The following MCOLN3 variants were observed in gnomAD, a reference collection of about 807,000 sequenced individuals.
The protein encoded by MCOLN3 is mucolipin TRP cation channel 3.
Under a neutral mutation model 69.4 loss-of-function variants are expected in MCOLN3, and 62 were observed. The observed-to-expected ratio is 0.89, with a 90% CI of 0.73 to 1.10. The LOEUF (loss-of-function observed/expected upper bound fraction) is 1.10. MCOLN3 is among the 50% of genes least tolerant of loss of function. MCOLN3 has a pLI of 0.00. For synonymous variants in MCOLN3, 183 were observed against 217.0 expected, an observed-to-expected ratio of 0.84 and a Z score of 1.38; for missense variants, 564 against 656.4, an observed-to-expected ratio of 0.86 and a Z score of 1.54.
In MCOLN3 at chr1:85,026,314, A is replaced by G. The variant is rs374397706; in HGVS notation, c.833-30T>C. On this transcript the variant is annotated intron_variant, in intron 7 of 12. Coordinates refer to ENST00000370589, the MANE Select transcript of MCOLN3 (RefSeq NM_018298.11). ...AAGCAAAGAGGATTACATAGTGCTT[A>G]TGTAGTGGGACATTAATATGGTGAC... 8.0e-6 allele frequency: 11 copies of G among 1,382,214 alleles called. 1 individual carries two copies. The East Asian group carries it at 2.3e-4, about 29-fold the overall frequency. The allele number at this position is 1,382,214 out of a possible 1,614,324, so 85.6% of individuals were successfully genotyped here.
intron 9 of MCOLN3, chr1:85,022,667 T>G: frequency 2.9e-5 from 8 of 275,508 alleles, no homozygotes; most frequent in East Asian, 2.6e-4. Flanking sequence ...GGTATGGGTT[T>G]GTCATTTTAC....
intron 1 of MCOLN3, chr1:85,047,281 C>T: frequency 6.6e-6 from 1 of 152,408 alleles, no homozygotes. Context: ...TCCCGGTAGA[C>T]ATTTCATTCA....
intron 6 of MCOLN3, chr1:85,029,969 T>C (rs1192772744): frequency 6.6e-6 from 1 of 152,282 alleles, no homozygotes; most frequent in Non-Finnish European, 1.5e-5. Flanking sequence ...ATAAATTGTA[T>C]TGAAGCTTCT....
intron 3 of MCOLN3, 98 bp downstream of exon 3, chr1:85,040,912 C>T (rs1350436140): frequency 3.5e-6 from 4 of 1,153,872 alleles, no homozygotes; most frequent in African/African-American, 3.2e-5. Flanking sequence ...GAAATGTTCA[C>T]CCTTCTCCAC....
chr1:85,029,280 A>G, intron 6 of MCOLN3, 75 bp from the exon 7 acceptor site: 1 of 878,688 alleles, frequency 1.1e-6, no homozygotes, highest in Admixed American at 2.1e-5. Flanking sequence ...TTAATTAGGA[A>G]ACAATTCTTT....
Position 85,045,260 on chromosome 1 carries a change from A to G in MCOLN3, c.101T>C (p.Leu34Ser), listed in dbSNP as rs945324123. 1 of 1,614,048 alleles carries G rather than the reference A, an allele frequency of 6.2e-7. No homozygotes were observed. Among genetic ancestry groups the G allele is most frequent in the African/African-American group, 1.3e-5 (1 of 74,932 alleles). The change falls in exon 2 of 13, where the codon TTA becomes TCA. Residue 34 changes from leucine to serine, a missense_variant. By Grantham distance (145) the Leu-to-Ser change is moderately radical. Transcript: ENST00000370589. ...QQTSPSEELL[L>S]EDQMRRKLKF... The stretch of plus-strand genomic sequence containing the variant: ...GAGTTTTCGCCTCATCTGGTCTTCT[A>G]ATAGAAGCTCCTCAGATGGAGATGT...
At chr1:85,027,994 C>T (rs1483480284) in intron 7 of MCOLN3, among the ~76,000 whole-genome samples, 1 of 152,214 alleles carries the variant, frequency 6.6e-6, no homozygotes, top group East Asian at 1.9e-4. Context: ...ATAATTACTA[C>T]ATAAATGTCT....
intron 7 of MCOLN3, 46 bp downstream of exon 7, chr1:85,029,060 C>T (rs908027288): frequency 2.4e-6 from 3 of 1,226,940 alleles, no homozygotes; most frequent in Non-Finnish European, 2.4e-6. Context: ...AACCATTTTA[C>T]ATTATTTAAT....
rs775264012 is a variant in MCOLN3 at position 85,032,691 on chromosome 1, C to T, written c.732+5G>A. 6.2e-7 allele frequency: 1 copy of T among 1,608,178 alleles called. No individual in the cohort carries two copies. The highest frequency in any genetic ancestry group is 1.7e-5 in the Admixed American group (1 of 59,978). ...GGAACCAAATTCAGCCTGGCCCACACTTACAGTCAGAGTAAAGTCATAACA... is the reference window on the plus strand; with the variant it reads ...GGAACCAAATTCAGCCTGGCCCACATTTACAGTCAGAGTAAAGTCATAACA... On this transcript the variant is annotated splice_donor_5th_base_variant and intron_variant, in intron 6 of 12. Coordinates refer to ENST00000370589, the MANE Select transcript of MCOLN3 (RefSeq NM_018298.11).
rs189191421 is a variant in MCOLN3 at position 85,018,290 on chromosome 1, C to T, written c.*833G>A. 5.9e-5 allele frequency: 9 copies of T among 152,296 alleles called. No homozygotes were observed. Among genetic ancestry groups the T allele is most frequent in the Non-Finnish European group, 1.2e-4 (8 of 68,024 alleles). 9.4% of individuals were successfully genotyped at this position (152,296 alleles called of 1,614,324 possible). A position where few individuals can be genotyped will look rare whatever the true frequency, so the allele number is the denominator to read the frequency against. On this transcript the variant is annotated 3_prime_UTR_variant, in exon 13 of 13. Transcript: ENST00000370589. ...CGATGTTTTGGTCAATGATGTACCG[C>T]ATATACAATGGTGGTCCCAGAAGAT...
intron 11 of MCOLN3, 50 bp downstream of exon 11, chr1:85,022,020 C>A: frequency 6.4e-7 from 1 of 1,574,596 alleles, no homozygotes; most frequent in Non-Finnish European, 8.6e-7. Context: ...AAGCCACTGG[C>A]ACTATGCTAA....
At chr1:85,036,482 C>T (rs761507946) in intron 3 of MCOLN3, among the ~76,000 whole-genome samples, 15 of 152,208 alleles carry the variant, frequency 9.9e-5, no homozygotes, top group Non-Finnish European at 2.2e-4. Flanking sequence ...AGCCACCGTA[C>T]CCAACCAATA....
At chr1:85,031,097 C>A (rs1318952976) in intron 6 of MCOLN3, among the ~76,000 whole-genome samples, 1 of 151,816 alleles carries the variant, frequency 6.6e-6, no homozygotes, top group Non-Finnish European at 1.5e-5. Context: ...ATGGTGAAAC[C>A]CCATCTCTAC....
intron 6 of MCOLN3, 39 bp from the exon 7 acceptor site, chr1:85,029,244 T>A (rs1405792493): frequency 1.5e-6 from 2 of 1,329,404 alleles, no homozygotes; most frequent in African/African-American, 2.9e-5. Flanking sequence ...ATACTTATAG[T>A]TTTGGAGCCA....
intron 11 of MCOLN3, among the ~76,000 whole-genome samples, chr1:85,021,558 G>A (rs1400021778): frequency 6.6e-6 from 1 of 152,196 alleles, no homozygotes; most frequent in Non-Finnish European, 1.5e-5. Flanking sequence ...CCTTGCATCT[G>A]CCCTTTACCT....
chr1:85,028,497 A>G (rs1652336591), intron 7 of MCOLN3, among the ~76,000 whole-genome samples: 1 of 152,218 alleles, frequency 6.6e-6, no homozygotes, highest in Non-Finnish European at 1.5e-5. Flanking sequence ...CTTATGAGAG[A>G]CTAGAAAATT....
intron 7 of MCOLN3, among the ~76,000 whole-genome samples, chr1:85,027,886 T>C (rs1309268339): frequency 6.6e-6 from 1 of 152,158 alleles, no homozygotes; most frequent in East Asian, 1.9e-4. Context: ...AGAGCTTGTC[T>C]CTATTTAACA....
chr1:85,043,861 C>T (rs561153242), intron 2 of MCOLN3, among the ~76,000 whole-genome samples: 14 of 148,702 alleles, frequency 9.4e-5, no homozygotes, highest in African/African-American at 3.2e-4. Flanking sequence ...TTTTTTGAGA[C>T]AAGGTGTCGC....
At position 85,034,155 on chromosome 1, in the gene MCOLN3, G is replaced by T. The variant is rs774640347; in HGVS notation, c.493C>A (p.Arg165=). Reference sequence around the variant, plus strand: ...TCATTTCCAGGGTAGATGTTTCCTCGCTTGTAGAAGTGCTGACAGATTGCC... The same window carrying T: ...TCATTTCCAGGGTAGATGTTTCCTCTCTTGTAGAAGTGCTGACAGATTGCC... ...AMAICQHFYK[R]GNIYPGNDTF... is the part of the protein sequence containing the mutation. Residue 165 remains arginine (R), a synonymous_variant, in exon 4 of 13, where the codon CGA becomes AGA. Transcript: ENST00000370589. The T allele has an allele frequency of 6.2e-7, 1 of 1,614,126 alleles. No individual in the cohort carries two copies. Among genetic ancestry groups the T allele is most frequent in the Non-Finnish European group, 8.5e-7 (1 of 1,179,994 alleles).
Sources: allele counts gnomAD v4.1 joint callset (sites outside exome capture counted in the v4.1 genomes callset), GRCh38; gene constraint gnomAD v4.1.1; transcripts MANE v1.5; gene names NCBI Gene and HGNC (gene_info 2026-07-23, HGNC 2026-07-21).